Variants in NELL1 observed in about 807,000 individuals in gnomAD.
NELL1 encodes the protein neural EGFL like 1.
A neutral mutation model predicts 107.4 loss-of-function variants in NELL1; 76 were observed. The observed-to-expected ratio is 0.71, with a 90% CI of 0.59 to 0.86. The LOEUF is 0.86. Among genes scored for constraint, NELL1 ranks in the 40% least tolerant of loss-of-function variants. The probability of loss-of-function intolerance (pLI) is 0.00; values close to 1 mark genes in which losing one functional copy is unlikely to be tolerated. For missense variants in NELL1, 1,024 were observed against 1,005.5 expected (o/e 1.02, Z -0.25); for synonymous variants, 353 against 341.2 (o/e 1.03, Z -0.38).
intron 4 of NELL1, among the ~76,000 whole-genome samples, chr11:20,861,065 A>G (rs1564937944): frequency 6.6e-6 from 1 of 152,184 alleles, no homozygotes; most frequent in Non-Finnish European, 1.5e-5. Context: ...CCCAGGCTAT[A>G]TTGGTGTAGC....
intron 15 of NELL1, among the ~76,000 whole-genome samples, chr11:21,433,899 T>A (rs765869984): frequency 3.9e-5 from 6 of 152,154 alleles, no homozygotes; most frequent in Non-Finnish European, 8.8e-5. Flanking sequence ...GGTCTCGAAC[T>A]CCCGGCCTCA....
At chr11:20,756,516 A>AT (rs753445309) in intron 2 of NELL1, among the ~76,000 whole-genome samples, 5,023 of 97,288 alleles carry the variant, frequency 0.052, 304 homozygotes, top group East Asian at 0.13. Flanking sequence ...ATTTTTTGTA[A>AT]TTTTTTTTTT....
chr11:20,879,088 CA>C (rs1849360122), intron 4 of NELL1, among the ~76,000 whole-genome samples: 1 of 152,100 alleles, frequency 6.6e-6, no homozygotes. Flanking sequence ...GTGGTAGCAG[CA>C]GTCAGGAAGT....
intron 4 of NELL1, among the ~76,000 whole-genome samples, chr11:20,868,776 A>G (rs1196109241): frequency 6.6e-6 from 1 of 152,174 alleles, no homozygotes; most frequent in Non-Finnish European, 1.5e-5. Flanking sequence ...TCTGAGATAT[A>G]TCCTCATAAA....
chr11:20,802,924 G>A (rs1289302238), intron 3 of NELL1, among the ~76,000 whole-genome samples: 9 of 152,048 alleles, frequency 5.9e-5, no homozygotes. Flanking sequence ...ATTTCATTTG[G>A]TCATGATGAA....
rs528205504 is a variant in NELL1, at chr11:21,433,239, T to C, written c.1645+62291T>C. On this transcript the variant is annotated intron_variant, in intron 15 of 19. Transcript: ENST00000357134. ...ATTGTTATGGCTAAATAGTATTCCA[T>C]TGTGTATATATGCCACATTTTCTGT... is the stretch of plus-strand genomic sequence containing the variant. Among the ~76,000 whole-genome samples the C allele has an allele frequency of 2.0e-3, 305 of 152,302 alleles. 2 individuals are homozygous for C. The highest frequency in any genetic ancestry group is 0.016 in the South Asian group (75 of 4,826).
At chr11:21,570,414 G>T (rs75422647) in intron 17 of NELL1, among the ~76,000 whole-genome samples, 10,149 of 151,816 alleles carry the variant, frequency 0.067, 454 homozygotes, top group Non-Finnish European at 0.094. Flanking sequence ...AAATACAGGA[G>T]CATGATTTTC....
At chr11:21,181,365 T>G (rs1856822961) in intron 13 of NELL1, among the ~76,000 whole-genome samples, 1 of 151,604 alleles carries the variant, frequency 6.6e-6, no homozygotes, top group African/African-American at 2.4e-5. Flanking sequence ...ACTAGGCAAG[T>G]GGATTTACTC....
Position 21,358,028 on chromosome 11 carries a change from C to T in NELL1, c.1550-12825C>T, listed in dbSNP as rs180771346. 7.5e-4 allele frequency among the ~76,000 whole-genome samples: 114 copies of T among 152,146 alleles called. 1 individual carries two copies. Among genetic ancestry groups the T allele is most frequent in the African/African-American group, 2.6e-3 (109 of 41,516 alleles). On this transcript the variant is annotated intron_variant, in intron 14 of 19. Coordinates refer to ENST00000357134, the MANE Select transcript of NELL1 (RefSeq NM_006157.5). The stretch of plus-strand genomic sequence containing the variant: ...CATGCCTATTTTTATACTAGTATCA[C>T]GCTGTTTTGATAACTATAGCCTTGT...
chr11:21,480,982 T>C (rs1035332462), intron 15 of NELL1, among the ~76,000 whole-genome samples: 1 of 152,178 alleles, frequency 6.6e-6, no homozygotes, highest in Non-Finnish European at 1.5e-5. Flanking sequence ...ACTAGTCACT[T>C]AACCGGATTA....
At chr11:21,218,418 A>G (rs1042441638) in intron 13 of NELL1, among the ~76,000 whole-genome samples, 1 of 152,192 alleles carries the variant, frequency 6.6e-6, no homozygotes, top group Non-Finnish European at 1.5e-5. Context: ...ATACATGAAT[A>G]CAATGAGTAA....
intron 13 of NELL1, among the ~76,000 whole-genome samples, chr11:21,133,424 A>C (rs1194259976): frequency 7.9e-5 from 12 of 152,140 alleles, no homozygotes; most frequent in Admixed American, 3.9e-4. Context: ...CTTCCCACCC[A>C]GGAGCCTGTC....
chr11:21,490,559 G>A (rs1177583068), intron 15 of NELL1, among the ~76,000 whole-genome samples: 1 of 150,804 alleles, frequency 6.6e-6, no homozygotes, highest in Non-Finnish European at 1.5e-5. Flanking sequence ...ATATTACAAG[G>A]CTATAGTAAC....
chr11:21,190,501 C>G (rs1459875660), intron 13 of NELL1, among the ~76,000 whole-genome samples: 1 of 151,832 alleles, frequency 6.6e-6, no homozygotes, highest in Non-Finnish European at 1.5e-5. Context: ...TAGGAACTGA[C>G]CCTAGATTGG....
intron 15 of NELL1, among the ~76,000 whole-genome samples, chr11:21,533,856 A>T (rs56272920): frequency 0.14 from 21,765 of 152,104 alleles, 1,675 homozygotes; most frequent in African/African-American, 0.21. Context: ...TTTCGGAAAC[A>T]GTGTGTATTA....
In NELL1 at chr11:21,553,308, ATACT is replaced by A. The variant is rs554100973; in HGVS notation, c.1787-6879_1787-6876del. 4.5e-3 allele frequency among the ~76,000 whole-genome samples: 677 copies of A among 151,958 alleles called. 4 individuals carry two copies. The highest frequency in any genetic ancestry group is 7.3e-3 in the Non-Finnish European group (496 of 67,870). On this transcript the variant is annotated intron_variant, in intron 16 of 19. Coordinates refer to ENST00000357134, the MANE Select transcript of NELL1 (RefSeq NM_006157.5). ...AGGCTTCAGTGCAGACAGGAAAAAC[ATACT>A]TCTTCCTTTGTTGCTTCCTCTCATT...
At chr11:20,921,693 T>C (rs1006422713) in intron 7 of NELL1, among the ~76,000 whole-genome samples, 2 of 152,118 alleles carry the variant, frequency 1.3e-5, no homozygotes, top group Admixed American at 6.6e-5. Flanking sequence ...AACTAAAGTT[T>C]TCAGATCATA....
intron 7 of NELL1, among the ~76,000 whole-genome samples, chr11:20,923,752 G>A (rs1850431004): frequency 1.3e-5 from 2 of 152,194 alleles, no homozygotes; most frequent in African/African-American, 4.8e-5. Context: ...ACTTGGAGTG[G>A]CATTTAAGCT....
chr11:20,855,361 C>A (rs572006837), intron 4 of NELL1, among the ~76,000 whole-genome samples: 93 of 152,228 alleles, frequency 6.1e-4, no homozygotes, highest in African/African-American at 2.1e-3. Flanking sequence ...GGAAAAAATA[C>A]AATAGACTCT....
Sources: gnomAD v4.1 joint callset for allele counts (sites outside exome capture counted in the v4.1 genomes callset) on GRCh38, gnomAD v4.1.1 for gene constraint, MANE v1.5 for transcripts, NCBI Gene and HGNC (gene_info 2026-07-23, HGNC 2026-07-21) for gene names.